Variants in RNGTT observed in about 807,000 individuals in gnomAD.
RNGTT encodes the protein mRNA-capping enzyme.
RNGTT carries 33 observed loss-of-function variants against 79.3 expected under a neutral mutation model. That is an observed-to-expected ratio of 0.42 (90% CI 0.32 to 0.56). The LOEUF is 0.56. Among genes scored for constraint, RNGTT ranks in the 20% least tolerant of loss-of-function variants. The pLI is 0.17. For synonymous variants in RNGTT, 222 were observed against 235.9 expected, an observed-to-expected ratio of 0.94 and a Z score of 0.54; for missense variants, 497 against 739.1, an observed-to-expected ratio of 0.67 and a Z score of 3.80.
At chr6:88,690,691 C>T (rs549301632) in intron 13 of RNGTT, among the ~76,000 whole-genome samples, 5 of 152,106 alleles carry the variant, frequency 3.3e-5, no homozygotes, top group South Asian at 2.1e-4. Context: ...GCCTCGGTGA[C>T]AGAGTGAGAC....
At chr6:88,618,784 C>T (rs1772330384) in intron 14 of RNGTT, among the ~76,000 whole-genome samples, 1 of 152,150 alleles carries the variant, frequency 6.6e-6, no homozygotes, top group Admixed American at 6.5e-5. Flanking sequence ...GGATCTAGTA[C>T]TTCTCAAGAT....
intron 12 of RNGTT, 98 bp from the exon 13 acceptor site, chr6:88,769,972 C>T (rs926059776): frequency 4.1e-6 from 3 of 728,150 alleles, no homozygotes; most frequent in African/African-American, 1.8e-5. Context: ...AGCAAAATTA[C>T]TTCTTTTCTA....
At position 88,903,891 on chromosome 6, in the gene RNGTT, C is replaced by T. The variant is rs559223297; in HGVS notation, c.684+824G>A. ...CAATACTTTTCCTCTCAACAGTTCC[C>T]CTATCCTCCAGTAAAAGAAGATAAC... On this transcript the variant is annotated intron_variant, in intron 6 of 15. Transcript: ENST00000369485. Among the ~76,000 whole-genome samples, 34 of 152,274 alleles carry T rather than the reference C, an allele frequency of 2.2e-4. No individual in the cohort carries two copies. The South Asian group carries it at 7.0e-3, about 32-fold the overall frequency.
chr6:88,800,980 C>T (rs1043132897), intron 12 of RNGTT, among the ~76,000 whole-genome samples: 6 of 152,180 alleles, frequency 3.9e-5, no homozygotes, highest in African/African-American at 1.2e-4. Context: ...TGGCCCAACA[C>T]ATCAGTGGTT....
chr6:88,700,810 A>T (rs186178335), intron 13 of RNGTT, among the ~76,000 whole-genome samples: 1 of 152,284 alleles, frequency 6.6e-6, no homozygotes, highest in Non-Finnish European at 1.5e-5. Flanking sequence ...TTGTTGGATG[A>T]ATAGATATGA....
In RNGTT at chr6:88,828,013, G is replaced by A. The variant is rs539627012; in HGVS notation, c.1269+16344C>T. 5.9e-5 allele frequency among the ~76,000 whole-genome samples: 9 copies of A among 152,280 alleles called. No homozygotes were observed. The South Asian group carries it at 8.3e-4, about 14-fold the overall frequency. On this transcript the variant is annotated intron_variant, in intron 11 of 15. Transcript: ENST00000369485. ...TACTACTGGCTCTGAAGAGAGCAGC[G>A]GATCTCCAGCACAGCACTCCAGCTC... is the stretch of plus-strand genomic sequence containing the variant.
intron 11 of RNGTT, among the ~76,000 whole-genome samples, chr6:88,835,463 T>C (rs192023233): frequency 2.0e-4 from 31 of 152,316 alleles, no homozygotes; most frequent in African/African-American, 6.7e-4. Flanking sequence ...AAGAAGAGAA[T>C]GCATTATTAT....
chr6:88,916,827 G>C (rs1265800621), intron 4 of RNGTT, among the ~76,000 whole-genome samples: 1 of 152,162 alleles, frequency 6.6e-6, no homozygotes. Context: ...GTTGACTTCT[G>C]ATTAACCCCA....
chr6:88,614,472 T>C (rs757182829), intron 14 of RNGTT, 77 bp from the exon 15 acceptor site: 228 of 1,370,290 alleles, frequency 1.7e-4, no homozygotes, highest in Middle Eastern at 2.3e-4. Flanking sequence ...ACAGGCACAT[T>C]AGGAAATGAT....
intron 11 of RNGTT, among the ~76,000 whole-genome samples, chr6:88,818,689 T>G (rs1262879410): frequency 6.6e-6 from 1 of 152,230 alleles, no homozygotes; most frequent in African/African-American, 2.4e-5. Flanking sequence ...ACCAATTCAT[T>G]ACGAGTATGA....
chr6:88,737,272 T>G (rs151050455), intron 13 of RNGTT, among the ~76,000 whole-genome samples: 9 of 152,326 alleles, frequency 5.9e-5, no homozygotes, highest in African/African-American at 2.2e-4. Flanking sequence ...CACCACCATA[T>G]TTTAGTAGTA....
At chr6:88,757,047 C>T (rs1400430174) in intron 13 of RNGTT, among the ~76,000 whole-genome samples, 2 of 152,188 alleles carry the variant, frequency 1.3e-5, no homozygotes, top group African/African-American at 2.4e-5. Context: ...TGCTACATTA[C>T]CAACTAATTT....
intron 13 of RNGTT, among the ~76,000 whole-genome samples, chr6:88,728,023 T>C (rs1776978075): frequency 6.6e-6 from 1 of 152,034 alleles, no homozygotes; most frequent in African/African-American, 2.4e-5. Context: ...GCTGTTCCTA[T>C]AGTGGAAAGG....
chr6:88,621,980 A>G (rs1772458057), intron 14 of RNGTT, among the ~76,000 whole-genome samples: 1 of 152,102 alleles, frequency 6.6e-6, no homozygotes, highest in Admixed American at 6.6e-5. Context: ...TCTCACAAGG[A>G]CAGTAACTTT....
At chr6:88,652,607 G>A (rs191164163) in intron 14 of RNGTT, among the ~76,000 whole-genome samples, 1 of 152,198 alleles carries the variant, frequency 6.6e-6, no homozygotes, top group Admixed American at 6.5e-5. Flanking sequence ...TACAAATTTG[G>A]GGAACGTGTG....
At chr6:88,873,730 G>A (rs1032260535) in intron 8 of RNGTT, among the ~76,000 whole-genome samples, 1 of 151,680 alleles carries the variant, frequency 6.6e-6, no homozygotes, top group African/African-American at 2.4e-5. Flanking sequence ...TTTTATAATG[G>A]GGAAACACAT....
chr6:88,908,837 T>G (rs1214028964), intron 4 of RNGTT, among the ~76,000 whole-genome samples: 1 of 152,150 alleles, frequency 6.6e-6, no homozygotes, highest in Admixed American at 6.5e-5. Flanking sequence ...GCCTGCCAAC[T>G]CTTCAAAGAC....
chr6:88,961,353 GTA>G (rs574327828), intron 1 of RNGTT, among the ~76,000 whole-genome samples: 64 of 151,032 alleles, frequency 4.2e-4, no homozygotes, highest in African/African-American at 8.7e-4. Flanking sequence ...GTGTGTGTGT[GTA>G]TATATATATA....
chr6:88,865,977 A>G (rs1782152851), intron 8 of RNGTT, among the ~76,000 whole-genome samples: 1 of 152,182 alleles, frequency 6.6e-6, no homozygotes, highest in South Asian at 2.1e-4. Context: ...TCCTTTATCT[A>G]CCAAAAAGAA....
Sources: gnomAD v4.1 joint callset for allele counts (sites outside exome capture counted in the v4.1 genomes callset) on GRCh38, gnomAD v4.1.1 for gene constraint, MANE v1.5 for transcripts, NCBI Gene and HGNC (gene_info 2026-07-23, HGNC 2026-07-21) for gene names.